Variants in STX1A observed in about 807,000 individuals in gnomAD.
The protein encoded by STX1A is syntaxin 1A, also known as syntaxin-1A.
A neutral mutation model predicts 37.8 loss-of-function variants in STX1A; 4 were observed. The ratio of observed to expected loss-of-function variants is 0.11; its 90% CI spans 0.05 to 0.24. The LOEUF is 0.24. Among genes scored for constraint, STX1A ranks in the 10% least tolerant of loss-of-function variants. The pLI, the probability that STX1A is intolerant of heterozygous loss-of-function variation, is 1.00. For missense variants in STX1A, 251 were observed against 399.9 expected (o/e 0.63, Z 3.18); for synonymous variants, 135 against 147.4 (o/e 0.92, Z 0.61).
chr7:73,713,801 G>A (rs1166868355), intron 1 of STX1A, among the ~76,000 whole-genome samples: 1 of 152,230 alleles, frequency 6.6e-6, no homozygotes, highest in East Asian at 1.9e-4. Flanking sequence ...ATCTACCAAT[G>A]CTTTCTGAGT....
In STX1A at chr7:73,702,786, A is replaced by G; in HGVS notation, c.678+59T>C. 6.2e-7 allele frequency: 1 copy of G among 1,611,264 alleles called. No individual in the cohort carries two copies. Among genetic ancestry groups the G allele is most frequent in the South Asian group, 1.1e-5 (1 of 90,954 alleles). On this transcript the variant is annotated intron_variant, in intron 8 of 9. Coordinates refer to ENST00000222812, the MANE Select transcript of STX1A (RefSeq NM_004603.4). The surrounding 1 kb of genome is among the most constrained non-coding windows in gnomAD (Gnocchi z 4.7). ...CGTGTCGGGCAGAAAGGGCGAGGTT[A>G]GTGCAGCCCTGGGTGCTGGTGTGGG...
At position 73,717,366 on chromosome 7, in the gene STX1A, C is replaced by A. The variant is rs2116779189; in HGVS notation, c.30+2236G>T. Among the ~76,000 whole-genome samples, 1 of 152,252 alleles carries A rather than the reference C, an allele frequency of 6.6e-6. No homozygotes were observed. The highest frequency in any genetic ancestry group is 2.4e-5 in the African/African-American group (1 of 41,578). On this transcript the variant is annotated intron_variant, in intron 1 of 9. Coordinates refer to ENST00000222812, the MANE Select transcript of STX1A (RefSeq NM_004603.4). The surrounding 1 kb of genome is among the most constrained non-coding windows in gnomAD (Gnocchi z 4.1). ...GCTGGCCTCTTCCTTTCTGGGGATT[C>A]TGGGCTGAAAATTCTGACTCCTGGG...
Position 73,700,949 on chromosome 7 carries a change from G to A in STX1A, c.679-109C>T. 1.3e-6 allele frequency: 2 copies of A among 1,546,430 alleles called. No individual in the cohort carries two copies. The highest frequency in any genetic ancestry group is 1.4e-5 in the African/African-American group (1 of 73,748). The stretch of plus-strand genomic sequence containing the variant: ...CCCTGAGGCTAGAGACAAAAAGGGG[G>A]CGTGAGGAGGTTAGGGTACAGCTTC... On this transcript the variant is annotated intron_variant, in intron 8 of 9. Transcript: ENST00000222812. The surrounding 1 kb of genome is among the most constrained non-coding windows in gnomAD (Gnocchi z 4.4).
Position 73,709,036 on chromosome 7 carries a change from G to A in STX1A, c.108+9C>T. The A allele has an allele frequency of 1.9e-6, 3 of 1,614,018 alleles. No homozygotes were observed. Among genetic ancestry groups the A allele is most frequent in the Non-Finnish European group, 2.5e-6 (3 of 1,179,906 alleles). Reference sequence around the variant, plus strand: ...GTGTGCGGGAAGGGTGGGGTGTGCTGGCTCCCACCTGCTCAAAGAACTCAT... The same window carrying A: ...GTGTGCGGGAAGGGTGGGGTGTGCTAGCTCCCACCTGCTCAAAGAACTCAT... On this transcript the variant is annotated intron_variant, in intron 2 of 9. Transcript: ENST00000222812. This position sits in a 1 kb window ranked among gnomAD's most constrained non-coding sequence, Gnocchi z 4.2.
At chr7:73,710,698 T>C (rs1799069076) in intron 1 of STX1A, among the ~76,000 whole-genome samples, 1 of 152,244 alleles carries the variant, frequency 6.6e-6, no homozygotes, top group African/African-American at 2.4e-5. Context: ...GTACTGGGAT[T>C]ACAGGCGTGA....
In STX1A at chr7:73,705,249, T is replaced by A; in HGVS notation, c.209-25A>T. ...TCTGGGGAGGTAGAAAGGGTGGGGG[T>A]AGGCCTCCTAGGCTCCGCGGGGACT... On this transcript the variant is annotated intron_variant, in intron 3 of 9. Transcript: ENST00000222812. This position sits in a 1 kb window ranked among gnomAD's most constrained non-coding sequence, Gnocchi z 5.2. The A allele has an allele frequency of 6.3e-7, 1 of 1,594,384 alleles. No homozygotes were observed.
At position 73,700,396 on chromosome 7, in the gene STX1A, T is replaced by C. The variant is rs781846679; in HGVS notation, c.*11A>G. 7 of 1,613,200 alleles carry C rather than the reference T, an allele frequency of 4.3e-6. No individual in the cohort carries two copies. The African/African-American group carries it at 9.4e-5, about 22-fold the overall frequency. ...GGCCCACCTGGAGTGGAGTGGCAGTTTGGGTGGCTTCTAGGCGAAGATGCC... is the reference window on the plus strand; with the variant it reads ...GGCCCACCTGGAGTGGAGTGGCAGTCTGGGTGGCTTCTAGGCGAAGATGCC... On this transcript the variant is annotated 3_prime_UTR_variant, in exon 10 of 10. Coordinates refer to ENST00000222812, the MANE Select transcript of STX1A (RefSeq NM_004603.4). This position sits in a 1 kb window ranked among gnomAD's most constrained non-coding sequence, Gnocchi z 4.4.
chr7:73,706,978 G>A lies in STX1A; in HGVS notation c.208+1611C>T, dbSNP rs1031520530. On this transcript the variant is annotated intron_variant, in intron 3 of 9. Transcript: ENST00000222812. The surrounding 1 kb of genome is among the most constrained non-coding windows in gnomAD (Gnocchi z 4.6). Reference sequence around the variant, plus strand: ...AGGGCGGGGCACTGGCTTAGTTGGTGTGGCACTGACCTGGGTTCATGCACA... The same window carrying A: ...AGGGCGGGGCACTGGCTTAGTTGGTATGGCACTGACCTGGGTTCATGCACA... Among the ~76,000 whole-genome samples the A allele has an allele frequency of 4.6e-5, 7 of 152,196 alleles. No homozygotes were observed. The highest frequency in any genetic ancestry group is 1.7e-4 in the African/African-American group (7 of 41,458).
rs782110427 is a variant in STX1A at position 73,700,443 on chromosome 7, G to A, written c.831C>T (p.Ile277=). 8.1e-5 allele frequency: 130 copies of A among 1,613,950 alleles called. No individual in the cohort carries two copies. The highest frequency in any genetic ancestry group is 7.5e-4 in the African/African-American group (56 of 74,884). ...TGCCCCCAACAGTGGAGGCGATGAC[G>A]ATGCCCAGGATCACACAGCAGATGA... ...MIIICCVILG[I]VIASTVGGIF... is the part of the protein sequence containing the mutation. The change falls in exon 10 of 10, where the codon ATC becomes ATT. Residue 277 remains isoleucine, a synonymous_variant. Transcript: ENST00000222812. This position sits in a 1 kb window ranked among gnomAD's most constrained non-coding sequence, Gnocchi z 4.4.
chr7:73,699,552 G>A lies in STX1A; in HGVS notation c.*855C>T, dbSNP rs1049318627. 6.6e-6 allele frequency: 1 copy of A among 152,668 alleles called. No homozygotes were observed. Among genetic ancestry groups the A allele is most frequent in the Non-Finnish European group, 1.5e-5 (1 of 68,084 alleles). 9.5% of individuals were successfully genotyped at this position (152,668 alleles called of 1,614,324 possible). A position where few individuals can be genotyped will look rare whatever the true frequency, so the allele number is the denominator to read the frequency against. ...TGCATCTGGGACACGTGACACCCAC[G>A]TGGCACATCGATGGGAGGATGGCAA... On this transcript the variant is annotated 3_prime_UTR_variant, in exon 10 of 10. Transcript: ENST00000222812.
intron 2 of STX1A, 138 bp from the exon 3 acceptor site, chr7:73,708,826 G>A (rs1554617509): frequency 3.1e-6 from 3 of 963,498 alleles, no homozygotes; most frequent in East Asian, 5.2e-5. Flanking sequence ...GGTGCAGTGG[G>A]GGTGCATCCT....
chr7:73,708,495 T>A lies in STX1A; in HGVS notation c.208+94A>T, dbSNP rs929807171. On this transcript the variant is annotated intron_variant, in intron 3 of 9. Transcript: ENST00000222812. ...CAGACACTCCTAAGCCCACCAGCCA[T>A]GAAGGCTGCAGAGGTCCCGTGAGGC... 9.0e-6 allele frequency: 11 copies of A among 1,216,744 alleles called. No individual in the cohort carries two copies. In the African/African-American group the frequency reaches 1.2e-4, roughly 13 times the overall value. 75.4% of individuals were successfully genotyped at this position (1,216,744 alleles called of 1,614,324 possible). A position where few individuals can be genotyped will look rare whatever the true frequency, so the allele number is the denominator to read the frequency against.
At chr7:73,703,974 A>G in intron 6 of STX1A, 146 bp from the exon 7 acceptor site, 1 of 852,464 alleles carries the variant, frequency 1.2e-6, no homozygotes, top group Non-Finnish European at 1.6e-6. Context: ...CCGGCCCTTA[A>G]CACAGCAGCC....
Position 73,705,492 on chromosome 7 carries a change from G to C in STX1A, c.209-268C>G, listed in dbSNP as rs1167427535. On this transcript the variant is annotated intron_variant, in intron 3 of 9. Transcript: ENST00000222812. The surrounding 1 kb of genome is among the most constrained non-coding windows in gnomAD (Gnocchi z 5.2). ...GCGCCCCCACCCCCTGGAGATAACA[G>C]ATGGGTCTAAATTTAAGGCAGAAGT... is the stretch of plus-strand genomic sequence containing the variant. 4.2e-6 allele frequency: 2 copies of C among 477,930 alleles called. No individual in the cohort carries two copies. Among genetic ancestry groups the C allele is most frequent in the East Asian group, 7.6e-5 (2 of 26,192 alleles). 29.6% of individuals were successfully genotyped at this position (477,930 alleles called of 1,614,324 possible).
At chr7:73,710,551 G>A (rs549898832) in intron 1 of STX1A, among the ~76,000 whole-genome samples, 6 of 152,174 alleles carry the variant, frequency 3.9e-5, no homozygotes, top group Admixed American at 2.0e-4. Flanking sequence ...TCAGCCTCCC[G>A]AGTAGCTGGG....
chr7:73,701,735 C>T (rs374729027), intron 8 of STX1A, among the ~76,000 whole-genome samples: 2 of 152,122 alleles, frequency 1.3e-5, no homozygotes, highest in African/African-American at 2.4e-5. Context: ...ATGGCGGCAG[C>T]GGCAGCCTCC....
In STX1A at chr7:73,709,184, G is replaced by T; in HGVS notation, c.31-62C>A. ...ACAGGACCCACCTGTACACACGCAG[G>T]TGCCCAGGGTACAGCGCCAGGGCCC... On this transcript the variant is annotated intron_variant, in intron 1 of 9. Transcript: ENST00000222812. This position sits in a 1 kb window ranked among gnomAD's most constrained non-coding sequence, Gnocchi z 4.2. 2.6e-6 allele frequency: 4 copies of T among 1,557,526 alleles called. No individual in the cohort carries two copies. In the South Asian group the frequency reaches 3.3e-5, roughly 13 times the overall value.
intron 3 of STX1A, among the ~76,000 whole-genome samples, chr7:73,707,290 G>C (rs1563573298): frequency 6.6e-6 from 1 of 152,174 alleles, no homozygotes; most frequent in Non-Finnish European, 1.5e-5. Context: ...GACCTGTCTG[G>C]GGACAGAGTG....
Position 73,700,469 on chromosome 7 carries a change from T to A in STX1A, c.805A>T (p.Ile269Phe), listed in dbSNP as rs991448424. 7 of 1,613,802 alleles carry A rather than the reference T, an allele frequency of 4.3e-6. No individual in the cohort carries two copies. Among genetic ancestry groups the A allele is most frequent in the Non-Finnish European group, 5.9e-6 (7 of 1,179,950 alleles). Residue 269 changes from isoleucine to phenylalanine, a missense_variant, in exon 10 of 10, where the codon ATC (isoleucine) becomes TTC (phenylalanine). By Grantham distance (21) the Ile-to-Phe change is conservative. Around this residue, in one of 2 missense-constraint regions of STX1A, gnomAD observed 214 missense variants for 367.6 expected, o/e 0.58. Coordinates refer to ENST00000222812, the MANE Select transcript of STX1A (RefSeq NM_004603.4). This position sits in a 1 kb window ranked among gnomAD's most constrained non-coding sequence, Gnocchi z 4.4. ...ATGCCCAGGATCACACAGCAGATGATGATCATGATTTTCTTCTGCATGGGA... is the reference window on the plus strand; with the variant it reads ...ATGCCCAGGATCACACAGCAGATGAAGATCATGATTTTCTTCTGCATGGGA... ...SKARRKKIMI[I>F]ICCVILGIVI...
Sources: gnomAD v4.1 joint callset for allele counts (sites outside exome capture counted in the v4.1 genomes callset) on GRCh38, gnomAD v4.1.1 for gene constraint, gnomAD v4.1.1 regional missense constraint, Gnocchi (gnomAD v3.1) non-coding constraint, MANE v1.5 for transcripts, NCBI Gene and HGNC (gene_info 2026-07-23, HGNC 2026-07-21) for gene names.